PNPT1: variants seen among roughly 807,000 people sequenced by gnomAD.
The protein encoded by PNPT1 is polyribonucleotide nucleotidyltransferase 1, mitochondrial.
Under a neutral mutation model 119.5 loss-of-function variants are expected in PNPT1, and 53 were observed. The observed-to-expected ratio is 0.44, with a 90% CI of 0.36 to 0.56. PNPT1 has a LOEUF of 0.56. Ranked by LOEUF, PNPT1 falls within the 20% of genes least tolerant of loss-of-function variation. The probability of loss-of-function intolerance (pLI) is 0.00; values close to 1 mark genes in which losing one functional copy is unlikely to be tolerated. For synonymous variants in PNPT1, 357 were observed against 322.1 expected (o/e 1.11, Z -1.16); for missense variants, 948 against 938.5 (o/e 1.01, Z -0.13).
intron 17 of PNPT1, among the ~76,000 whole-genome samples, 198 bp from the exon 18 acceptor site, chr2:55,655,151 A>G (rs1696345487): frequency 1.3e-5 from 2 of 152,234 alleles, no homozygotes; most frequent in African/African-American, 4.8e-5. Flanking sequence ...GACATTAGCC[A>G]TAAGTGGTGA....
intron 3 of PNPT1, among the ~76,000 whole-genome samples, chr2:55,685,687 T>C (rs941987367): frequency 3.3e-5 from 5 of 152,210 alleles, no homozygotes; most frequent in African/African-American, 1.2e-4. Context: ...AAGGGAGCTA[T>C]AAAATTCTCA....
rs869195974 is a variant in PNPT1 at position 55,691,848 on chromosome 2, T to TTATATA, written c.161+1809_161+1814dup. On this transcript the variant is annotated intron_variant, in intron 1 of 27. Coordinates refer to ENST00000447944, the MANE Select transcript of PNPT1 (RefSeq NM_033109.5). ...TATATTACTCTTCAATTAAAAATGT[T>TTATATA]TATATATATATATATATATATATAT... is the stretch of plus-strand genomic sequence containing the variant. Among the ~76,000 whole-genome samples the TTATATA allele has an allele frequency of 3.7e-3, 319 of 86,950 alleles. 1 individual carries two copies. Among genetic ancestry groups the TTATATA allele is most frequent in the Middle Eastern group, 6.3e-3 (1 of 158 alleles). 57.0% of individuals were successfully genotyped at this position (86,950 alleles called of 152,430 possible).
At chr2:55,685,203 A>C (rs969852029) in intron 3 of PNPT1, among the ~76,000 whole-genome samples, 155 bp from the exon 4 acceptor site, 1 of 152,220 alleles carries the variant, frequency 6.6e-6, no homozygotes, top group Non-Finnish European at 1.5e-5. Context: ...TGGGGAGAGG[A>C]AAGTTGATAG....
chr2:55,656,055 A>G, intron 17 of PNPT1, 76 bp downstream of exon 17: 1 of 1,509,686 alleles, frequency 6.6e-7, no homozygotes, highest in Non-Finnish European at 8.9e-7. Flanking sequence ...AAAATGTAAC[A>G]TTACATTTGA....
At position 55,667,938 on chromosome 2, in the gene PNPT1, G is replaced by C. The variant is rs538713029; in HGVS notation, c.997C>G (p.Pro333Ala). 1 of 1,577,916 alleles carries C rather than the reference G, an allele frequency of 6.3e-7. No homozygotes were observed. The highest frequency in any genetic ancestry group is 1.4e-5 in the African/African-American group (1 of 71,978). Residue 333 changes from proline (P) to alanine (A), a missense_variant, in exon 12 of 28, where the codon CCA (proline) becomes GCA (alanine). Transcript: ENST00000447944. ...TTGAAGGATTCTATTATTTCATATGGATCGGCTTCTGGAAATTTTTCTATA... is the reference window on the plus strand; with the variant it reads ...TTGAAGGATTCTATTATTTCATATGCATCGGCTTCTGGAAATTTTTCTATA... ...QLKEKFPEAD[P>A]YEIIESFNVV...
chr2:55,640,172 T>G (rs1695793292), intron 26 of PNPT1, among the ~76,000 whole-genome samples: 1 of 152,192 alleles, frequency 6.6e-6, no homozygotes, highest in South Asian at 2.1e-4. Context: ...CTTTTTTTTT[T>G]GAGACAAAGT....
rs1209256132 is a variant in PNPT1 at position 55,634,078 on chromosome 2, ATAAAT to A, written c.*2154_*2158del. On this transcript the variant is annotated 3_prime_UTR_variant, in exon 28 of 28. Coordinates refer to ENST00000447944, the MANE Select transcript of PNPT1 (RefSeq NM_033109.5). Reference sequence around the variant, plus strand: ...AGTCGATATCAAGTGTAGAAAGCAAATAAATTTAATCTTTCATTTTCAATTAATCT... The same window carrying A: ...AGTCGATATCAAGTGTAGAAAGCAAATTAATCTTTCATTTTCAATTAATCT... Among the ~76,000 whole-genome samples the A allele has an allele frequency of 1.3e-5, 2 of 152,196 alleles. No individual in the cohort carries two copies. The highest frequency in any genetic ancestry group is 1.3e-4 in the Admixed American group (2 of 15,270).
rs560750435 is a variant in PNPT1 at position 55,663,970 on chromosome 2, CAGA to C, written c.1177-1947_1177-1945del. On this transcript the variant is annotated intron_variant, in intron 13 of 27. Coordinates refer to ENST00000447944, the MANE Select transcript of PNPT1 (RefSeq NM_033109.5). Reference sequence around the variant, plus strand: ...CACCACTGCACTCCAGCCTGGGCGACAGAAGGAGACTCCATCCCAAAAAAAGAA... The same window carrying C: ...CACCACTGCACTCCAGCCTGGGCGACAGGAGACTCCATCCCAAAAAAAGAA... Among the ~76,000 whole-genome samples, 545 of 152,112 alleles carry C rather than the reference CAGA, an allele frequency of 3.6e-3. 3 individuals carry two copies. Among genetic ancestry groups the C allele is most frequent in the African/African-American group, 0.011 (456 of 41,468 alleles).
Position 55,645,339 on chromosome 2 carries a change from A to G in PNPT1, c.1822+10T>C. ...GCGCCCAGCCGATCACTAAAATTTT[A>G]ATGTATTACCTACAACAGGTCCATT... On this transcript the variant is annotated intron_variant, in intron 22 of 27. Coordinates refer to ENST00000447944, the MANE Select transcript of PNPT1 (RefSeq NM_033109.5). The G allele has an allele frequency of 1.9e-6, 3 of 1,587,452 alleles. No individual in the cohort carries two copies. The highest frequency in any genetic ancestry group is 2.6e-6 in the Non-Finnish European group (3 of 1,158,756).
chr2:55,643,773 GA>G (rs896057872), intron 23 of PNPT1, among the ~76,000 whole-genome samples: 1 of 151,884 alleles, frequency 6.6e-6, no homozygotes, highest in Non-Finnish European at 1.5e-5. Context: ...CATTCCAGTG[GA>G]AACTCGTCTT....
In PNPT1 at chr2:55,688,048, C is replaced by CT. The variant is rs766988624; in HGVS notation, c.162-344dup. On this transcript the variant is annotated intron_variant, in intron 1 of 27. Coordinates refer to ENST00000447944, the MANE Select transcript of PNPT1 (RefSeq NM_033109.5). ...GTGCCTTGTATCTTCTTTTTCTTTT[C>CT]TTTTTTTTTTTTTGAGACAGGGTCT... Among the ~76,000 whole-genome samples, 228 of 141,596 alleles carry CT rather than the reference C, an allele frequency of 1.6e-3. 1 individual carries two copies. The highest frequency in any genetic ancestry group is 8.0e-3 in the East Asian group (39 of 4,868). The allele number at this position is 141,596 out of a possible 152,430, so 92.9% of individuals were successfully genotyped here.
intron 18 of PNPT1, among the ~76,000 whole-genome samples, chr2:55,650,351 G>T (rs539589887): frequency 6.6e-6 from 1 of 152,322 alleles, no homozygotes; most frequent in Admixed American, 6.5e-5. Context: ...CGCTGTGTTG[G>T]CTGGGCTGGT....
chr2:55,655,366 C>A (rs926988137), intron 17 of PNPT1, among the ~76,000 whole-genome samples: 1 of 152,074 alleles, frequency 6.6e-6, no homozygotes, highest in Non-Finnish European at 1.5e-5. Context: ...ATGATCCACC[C>A]GCCTTGGCCT....
chr2:55,636,938 T>G (rs1572790359), intron 27 of PNPT1, among the ~76,000 whole-genome samples: 2 of 152,198 alleles, frequency 1.3e-5, no homozygotes, highest in African/African-American at 4.8e-5. Flanking sequence ...TACTATATCT[T>G]AGCACTCATC....
Position 55,680,907 on chromosome 2 carries a change from A to G in PNPT1, c.465T>C (p.Asn155=). ...CATTTACACCATCTACTGCTAACAGATTACACAGAACCTGGTAAAAGGGAA... is the reference window on the plus strand; with the variant it reads ...CATTTACACCATCTACTGCTAACAGGTTACACAGAACCTGGTAAAAGGGAA... ...GYFYDTQVLC[N]LLAVDGVNEP... is the part of the protein sequence containing the mutation. Residue 155 remains asparagine, a synonymous_variant, in exon 6 of 28, where the codon AAT becomes AAC. Transcript: ENST00000447944. The G allele has an allele frequency of 1.2e-6, 2 of 1,613,812 alleles. No homozygotes were observed. The highest frequency in any genetic ancestry group is 2.2e-5 in the South Asian group (2 of 90,964).
intron 10 of PNPT1, 33 bp from the exon 11 acceptor site, chr2:55,671,409 T>C: frequency 1.6e-6 from 2 of 1,281,990 alleles, no homozygotes; most frequent in Non-Finnish European, 1.1e-6. Flanking sequence ...TTATTACATA[T>C]ACATGACAAC....
At chr2:55,683,895 C>T (rs1365124691) in intron 4 of PNPT1, 61 bp from the exon 5 acceptor site, 4 of 1,491,016 alleles carry the variant, frequency 2.7e-6, no homozygotes, top group East Asian at 2.3e-5. Flanking sequence ...CAGTTCAAAA[C>T]GTTTGAACTA....
intron 25 of PNPT1, 69 bp from the exon 26 acceptor site, chr2:55,640,774 A>T (rs1206103897): frequency 1.9e-6 from 2 of 1,064,036 alleles, no homozygotes; most frequent in African/African-American, 3.2e-5. Flanking sequence ...CAAATAAAAC[A>T]TTGTTTTCAT....
chr2:55,660,294 AGGTGTT>A, intron 14 of PNPT1, 101 bp from the exon 15 acceptor site: 1 of 1,237,280 alleles, frequency 8.1e-7, no homozygotes, highest in Non-Finnish European at 1.1e-6. Flanking sequence ...CAAAAGAACT[AGGTGTT>A]AATGAAAAAT....
Sources: allele counts gnomAD v4.1 joint callset (sites outside exome capture counted in the v4.1 genomes callset), GRCh38; gene constraint gnomAD v4.1.1; transcripts MANE v1.5; gene names NCBI Gene and HGNC (gene_info 2026-07-23, HGNC 2026-07-21).